The following LPP variants were observed in gnomAD, a reference collection of about 807,000 sequenced individuals.
The protein encoded by LPP is lipoma-preferred partner.
In LPP, 38 loss-of-function variants were observed where a neutral mutation model predicts 60.4. The ratio of observed to expected loss-of-function variants is 0.63; its 90% CI spans 0.49 to 0.83. The LOEUF is 0.83. Ranked by LOEUF, LPP falls within the 40% of genes least tolerant of loss-of-function variation. The pLI is 0.00. For missense variants in LPP, 902 were observed against 783.6 expected, an observed-to-expected ratio of 1.15 and a Z score of -1.80; for synonymous variants, 328 against 290.8, an observed-to-expected ratio of 1.13 and a Z score of -1.30.
Position 188,876,092 on chromosome 3 carries a change from A to G in LPP, c.*1613A>G, listed in dbSNP as rs1225527566. The G allele has an allele frequency of 1.1e-5, 2 of 190,126 alleles. No homozygotes were observed. The highest frequency in any genetic ancestry group is 2.2e-5 in the Non-Finnish European group (2 of 90,326). The allele number at this position is 190,126 out of a possible 1,614,324, so 11.8% of individuals were successfully genotyped here. A position where few individuals can be genotyped will look rare whatever the true frequency, so the allele number is the denominator to read the frequency against. On this transcript the variant is annotated 3_prime_UTR_variant, in exon 12 of 12. Transcript: ENST00000617246. ...AATGTACCGTTTCCTTATTCCACAG[A>G]TATCTTTTTCATTATTGTGAAGTGA...
intron 7 of LPP, among the ~76,000 whole-genome samples, chr3:188,631,319 G>A (rs1330540990): frequency 6.6e-6 from 1 of 151,942 alleles, no homozygotes; most frequent in East Asian, 1.9e-4. Flanking sequence ...TATTAGTATT[G>A]TTGTTTGAAA....
intron 2 of LPP, among the ~76,000 whole-genome samples, chr3:188,283,018 A>G (rs929294821): frequency 6.6e-6 from 1 of 152,194 alleles, no homozygotes; most frequent in Non-Finnish European, 1.5e-5. Context: ...CAGTTAACCC[A>G]GGGAACTAGA....
intron 2 of LPP, among the ~76,000 whole-genome samples, chr3:188,229,156 A>G (rs1204552759): frequency 6.6e-6 from 1 of 152,162 alleles, no homozygotes; most frequent in Non-Finnish European, 1.5e-5. Flanking sequence ...TATTTTTCAC[A>G]TTCATTTTTG....
chr3:188,768,268 A>G (rs1374773291), intron 9 of LPP, among the ~76,000 whole-genome samples: 1 of 152,142 alleles, frequency 6.6e-6, no homozygotes, highest in Non-Finnish European at 1.5e-5. Context: ...AGAGCCTAGC[A>G]AAAAACGAGA....
intron 3 of LPP, among the ~76,000 whole-genome samples, chr3:188,397,354 T>C (rs9834115): frequency 0.43 from 65,449 of 152,004 alleles, 14,215 homozygotes; most frequent in Admixed American, 0.46. Context: ...CTAGCTGGGG[T>C]TCTCTATGAC....
At chr3:188,773,863 G>A (rs550314889) in intron 9 of LPP, among the ~76,000 whole-genome samples, 2 of 151,924 alleles carry the variant, frequency 1.3e-5, no homozygotes, top group African/African-American at 4.8e-5. Context: ...GGATTTGGGG[G>A]CAAAAGGAGG....
intron 2 of LPP, among the ~76,000 whole-genome samples, chr3:188,338,007 T>G (rs1483357614): frequency 6.6e-6 from 1 of 152,330 alleles, no homozygotes; most frequent in East Asian, 1.9e-4. Context: ...GATTATACAT[T>G]CCATTGATAG....
chr3:188,249,481 A>C (rs1728296278), intron 2 of LPP, among the ~76,000 whole-genome samples: 1 of 152,098 alleles, frequency 6.6e-6, no homozygotes, highest in South Asian at 2.1e-4. Context: ...AGAAAGAAAA[A>C]AGGAAAGAAA....
chr3:188,761,734 G>GA (rs1387323513), intron 9 of LPP, among the ~76,000 whole-genome samples: 1 of 152,192 alleles, frequency 6.6e-6, no homozygotes, highest in Non-Finnish European at 1.5e-5. Flanking sequence ...TGTTGATCTG[G>GA]AAGGAGCAAT....
chr3:188,597,530 AC>A (rs1403215952), intron 6 of LPP, among the ~76,000 whole-genome samples: 1 of 152,126 alleles, frequency 6.6e-6, no homozygotes, highest in Non-Finnish European at 1.5e-5. Context: ...ATAACCAAAA[AC>A]TAGTGAACCA....
intron 5 of LPP, among the ~76,000 whole-genome samples, chr3:188,507,269 G>C (rs1813798892): frequency 1.3e-5 from 2 of 152,070 alleles, no homozygotes; most frequent in Non-Finnish European, 2.9e-5. Context: ...GCATGCAAAG[G>C]GTTCATTGTG....
rs1430933825 is a variant in LPP, at chr3:188,877,879, T to A, written c.*3400T>A. The A allele has an allele frequency of 1.4e-5, 3 of 216,900 alleles. No individual in the cohort carries two copies. Among genetic ancestry groups the A allele is most frequent in the African/African-American group, 6.8e-5 (3 of 44,432 alleles). 13.4% of individuals were successfully genotyped at this position (216,900 alleles called of 1,614,324 possible). On this transcript the variant is annotated 3_prime_UTR_variant, in exon 12 of 12. Transcript: ENST00000617246. ...TGTCATTAACACATTGTTATTTCTG[T>A]AGGAGCAACTTCTCTGATCAAAATT...
intron 8 of LPP, among the ~76,000 whole-genome samples, chr3:188,742,967 A>G (rs1258524162): frequency 6.6e-6 from 1 of 152,180 alleles, no homozygotes. Context: ...TGGATCCTCT[A>G]CAAGGTCCAG....
At chr3:188,454,648 G>A (rs901564179) in intron 4 of LPP, among the ~76,000 whole-genome samples, 5 of 152,124 alleles carry the variant, frequency 3.3e-5, no homozygotes, top group African/African-American at 1.2e-4. Context: ...CCACATGGCT[G>A]GGGGAGGCTT....
chr3:188,649,835 G>C (rs1413954807), intron 7 of LPP, among the ~76,000 whole-genome samples: 1 of 152,116 alleles, frequency 6.6e-6, no homozygotes, highest in East Asian at 1.9e-4. Context: ...AACTTCCTAA[G>C]CTAAATGTCA....
At chr3:188,801,054 T>TCA (rs1441442653) in intron 9 of LPP, among the ~76,000 whole-genome samples, 3 of 152,220 alleles carry the variant, frequency 2.0e-5, no homozygotes, top group South Asian at 2.1e-4. Context: ...TTCTCCGAAC[T>TCA]CACACACACA....
At chr3:188,454,698 C>T (rs568542581) in intron 4 of LPP, among the ~76,000 whole-genome samples, 127 of 152,036 alleles carry the variant, frequency 8.4e-4, no homozygotes, top group Non-Finnish European at 1.4e-3. Context: ...TCTTACATGG[C>T]GGAAGCAAGA....
At chr3:188,646,473 G>T (rs1851118079) in intron 7 of LPP, among the ~76,000 whole-genome samples, 1 of 152,144 alleles carries the variant, frequency 6.6e-6, no homozygotes, top group Admixed American at 6.5e-5. Context: ...GGTTCTCCCT[G>T]CATATTTTTG....
intron 2 of LPP, among the ~76,000 whole-genome samples, chr3:188,329,756 T>C (rs1231923164): frequency 6.6e-6 from 1 of 152,216 alleles, no homozygotes; most frequent in Non-Finnish European, 1.5e-5. Context: ...GTGTTGTATT[T>C]GCCAAGACAC....
Sources: allele counts gnomAD v4.1 joint callset (sites outside exome capture counted in the v4.1 genomes callset), GRCh38; gene constraint gnomAD v4.1.1; transcripts MANE v1.5; gene names NCBI Gene and HGNC (gene_info 2026-07-23, HGNC 2026-07-21).